RICTOR: variants seen among roughly 807,000 people sequenced by gnomAD.
The protein encoded by RICTOR is RPTOR independent companion of MTOR complex 2, also known as rapamycin-insensitive companion of mTOR.
A neutral mutation model predicts 214.9 loss-of-function variants in RICTOR; 49 were observed. That is an observed-to-expected ratio of 0.23 (90% CI 0.18 to 0.29). The LOEUF is 0.29. Among genes scored for constraint, RICTOR ranks in the 10% least tolerant of loss-of-function variants. The pLI, the probability that RICTOR is intolerant of heterozygous loss-of-function variation, is 1.00. For synonymous variants in RICTOR, 717 were observed against 711.3 expected, an observed-to-expected ratio of 1.01 and a Z score of -0.13; for missense variants, 1,625 against 2,047.0, an observed-to-expected ratio of 0.79 and a Z score of 3.98.
chr5:39,068,224 G>A (rs16868069), intron 2 of RICTOR, among the ~76,000 whole-genome samples: 3,485 of 152,226 alleles, frequency 0.023, 139 homozygotes, highest in African/African-American at 0.079. Flanking sequence ...ACCTACGCAA[G>A]GTCAAGCGAA....
chr5:38,966,348 G>T (rs553190067), intron 15 of RICTOR, among the ~76,000 whole-genome samples: 1 of 152,282 alleles, frequency 6.6e-6, no homozygotes, highest in East Asian at 1.9e-4. Flanking sequence ...TTTACAGGAC[G>T]AAAATGTCAA....
At chr5:38,973,920 A>G (rs10941415) in intron 10 of RICTOR, among the ~76,000 whole-genome samples, 57,598 of 152,070 alleles carry the variant, frequency 0.38, 10,983 homozygotes, top group Admixed American at 0.44. Flanking sequence ...ACTTATAAAC[A>G]GTACTACAGA....
Position 38,991,089 on chromosome 5 carries a change from A to C in RICTOR, c.457-14T>G. On this transcript the variant is annotated splice_polypyrimidine_tract_variant and intron_variant, in intron 6 of 37. Coordinates refer to ENST00000357387, the MANE Select transcript of RICTOR (RefSeq NM_152756.5). ...CACAGTAATCATCTGTAACAGAAGG[A>C]ATCAGAAAAAGAAGTTACTTTAGTA... 6.4e-7 allele frequency: 1 copy of C among 1,573,554 alleles called. No individual in the cohort carries two copies. The highest frequency in any genetic ancestry group is 2.3e-5 in the East Asian group (1 of 43,222).
At chr5:39,013,605 G>A (rs981420005) in intron 3 of RICTOR, among the ~76,000 whole-genome samples, 1 of 152,046 alleles carries the variant, frequency 6.6e-6, no homozygotes, top group African/African-American at 2.4e-5. Flanking sequence ...AGGTTAAATA[G>A]TTGTAAATAA....
chr5:39,009,589 T>G (rs1390982881), intron 3 of RICTOR, among the ~76,000 whole-genome samples: 3 of 152,090 alleles, frequency 2.0e-5, no homozygotes, highest in Admixed American at 1.3e-4. Context: ...TAAATGGAAT[T>G]CAATAATGGT....
In RICTOR at chr5:38,993,487, T is replaced by A. The variant is rs1008141195; in HGVS notation, c.457-2412A>T. On this transcript the variant is annotated intron_variant, in intron 6 of 37. Coordinates refer to ENST00000357387, the MANE Select transcript of RICTOR (RefSeq NM_152756.5). ...AGAGAGAAGGGGGAAATCAGAGACA[T>A]GGAAAAGAAAAAAGCAGACAGAACA... Among the ~76,000 whole-genome samples, 3 of 151,634 alleles carry A rather than the reference T, an allele frequency of 2.0e-5. No homozygotes were observed. In the South Asian group the frequency reaches 6.2e-4, roughly 31 times the overall value.
At position 38,952,327 on chromosome 5, in the gene RICTOR, T is replaced by C. The variant is rs1001333830; in HGVS notation, c.2996A>G (p.His999Arg). 3 of 1,613,032 alleles carry C rather than the reference T, an allele frequency of 1.9e-6. No homozygotes were observed. In the African/African-American group the frequency reaches 4.0e-5, roughly 22 times the overall value. ...NWDAVRHSRK[H>R]LWPVVPDDVE... ...ATCATCTGGAACCACTGGCCACAGATGTTTGCGACTATGCCTCACAGCATC... is the reference window on the plus strand; with the variant it reads ...ATCATCTGGAACCACTGGCCACAGACGTTTGCGACTATGCCTCACAGCATC... The change falls in exon 30 of 38, where the codon CAT becomes CGT. Residue 999 changes from histidine (H) to arginine (R), a missense_variant. Around this residue, in one of 5 missense-constraint regions of RICTOR, gnomAD observed 1,214 missense variants for 1,470.5 expected, o/e 0.83. Transcript: ENST00000357387.
chr5:38,975,461 C>A, intron 10 of RICTOR, 76 bp downstream of exon 10: 1 of 1,005,296 alleles, frequency 9.9e-7, no homozygotes, highest in Non-Finnish European at 1.6e-6. Context: ...TTAGGTGCTA[C>A]AATAATAATT....
chr5:39,064,283 AAC>A (rs1180740880), intron 2 of RICTOR, among the ~76,000 whole-genome samples: 1 of 152,240 alleles, frequency 6.6e-6, no homozygotes, highest in African/African-American at 2.4e-5. Flanking sequence ...AAAAAGCATT[AAC>A]AGTCAACTTC....
rs1177294603 is a variant in RICTOR at position 38,938,661 on chromosome 5, G to GA, written c.*3642dup. ...GGAATGAAAAATACCCTGGAACTTG[G>GA]AACTAAAAGAAGAAAAGAATGCTCC... On this transcript the variant is annotated 3_prime_UTR_variant, in exon 38 of 38. Coordinates refer to ENST00000357387, the MANE Select transcript of RICTOR (RefSeq NM_152756.5). The GA allele has an allele frequency of 4.3e-6, 1 of 232,490 alleles. No individual in the cohort carries two copies. Among genetic ancestry groups the GA allele is most frequent in the East Asian group, 6.1e-5 (1 of 16,420 alleles). The allele number at this position is 232,490 out of a possible 1,614,324, so 14.4% of individuals were successfully genotyped here.
At chr5:38,991,100 G>T in intron 6 of RICTOR, 25 bp from the exon 7 acceptor site, 2 of 1,554,768 alleles carry the variant, frequency 1.3e-6, no homozygotes, top group Non-Finnish European at 1.8e-6. Flanking sequence ...ATCAGAAAAA[G>T]AAGTTACTTT....
intron 3 of RICTOR, 79 bp downstream of exon 3, chr5:39,020,960 A>T: frequency 1.3e-6 from 1 of 780,022 alleles, no homozygotes; most frequent in Non-Finnish European, 2.3e-6. Flanking sequence ...ATTTGTATTT[A>T]ATGATGGTCA....
chr5:38,985,462 T>C (rs1188531994), intron 7 of RICTOR, among the ~76,000 whole-genome samples: 1 of 152,226 alleles, frequency 6.6e-6, no homozygotes, highest in African/African-American at 2.4e-5. Context: ...GGTTTGTATA[T>C]AAATAAATTA....
At position 38,938,615 on chromosome 5, in the gene RICTOR, G is replaced by A. The variant is rs1056970417; in HGVS notation, c.*3689C>T. 4.3e-6 allele frequency: 1 copy of A among 232,628 alleles called. No homozygotes were observed. Among genetic ancestry groups the A allele is most frequent in the Non-Finnish European group, 8.5e-6 (1 of 117,726 alleles). 14.4% of individuals were successfully genotyped at this position (232,628 alleles called of 1,614,324 possible). A position where few individuals can be genotyped will look rare whatever the true frequency, so the allele number is the denominator to read the frequency against. On this transcript the variant is annotated 3_prime_UTR_variant, in exon 38 of 38. Transcript: ENST00000357387. ...CAAACAGGAAAAAAGTCCACATTCT[G>A]TGAGTCATATAAACCTACTAGGAAT...
At position 38,940,830 on chromosome 5, in the gene RICTOR, C is replaced by G. The variant is rs1747486790; in HGVS notation, c.*1474G>C. Reference sequence around the variant, plus strand: ...AGTTCACAGGGTTCTTTACAGAGATCTCAAAGAACAAGCCCATTACAAAAA... The same window carrying G: ...AGTTCACAGGGTTCTTTACAGAGATGTCAAAGAACAAGCCCATTACAAAAA... On this transcript the variant is annotated 3_prime_UTR_variant, in exon 38 of 38. Transcript: ENST00000357387. The G allele has an allele frequency of 4.3e-6, 1 of 231,896 alleles. No homozygotes were observed. 14.4% of individuals were successfully genotyped at this position (231,896 alleles called of 1,614,324 possible). A position where few individuals can be genotyped will look rare whatever the true frequency, so the allele number is the denominator to read the frequency against.
Position 38,940,019 on chromosome 5 carries a change from CTT to C in RICTOR, c.*2283_*2284del, listed in dbSNP as rs35397307. 225 of 201,300 alleles carry C rather than the reference CTT, an allele frequency of 1.1e-3. No homozygotes were observed. The highest frequency in any genetic ancestry group is 1.5e-3 in the Non-Finnish European group (158 of 102,252). 12.5% of individuals were successfully genotyped at this position (201,300 alleles called of 1,614,324 possible). A position where few individuals can be genotyped will look rare whatever the true frequency, so the allele number is the denominator to read the frequency against. On this transcript the variant is annotated 3_prime_UTR_variant, in exon 38 of 38. Coordinates refer to ENST00000357387, the MANE Select transcript of RICTOR (RefSeq NM_152756.5). ...ATAGCACTATAAATTTAAGCGTAGA[CTT>C]TTTTTTTTTTTTAGTATACTGATAA... is the stretch of plus-strand genomic sequence containing the variant.
chr5:39,012,210 C>T (rs950837684), intron 3 of RICTOR, among the ~76,000 whole-genome samples: 1 of 152,088 alleles, frequency 6.6e-6, no homozygotes, highest in Non-Finnish European at 1.5e-5. Flanking sequence ...AAGGGACTTC[C>T]TTCCCCCTTA....
chr5:38,958,877 T>C, intron 22 of RICTOR, 46 bp from the exon 23 acceptor site: 1 of 1,271,846 alleles, frequency 7.9e-7, no homozygotes, highest in South Asian at 1.8e-5. Context: ...AACTTCAGCA[T>C]AAATAGCCTA....
chr5:39,070,423 T>G (rs1025188554), intron 2 of RICTOR, among the ~76,000 whole-genome samples: 1 of 152,010 alleles, frequency 6.6e-6, no homozygotes, highest in Non-Finnish European at 1.5e-5. Context: ...GAGCCGAGAT[T>G]GCGCCACTGC....
Sources: gnomAD v4.1 joint callset for allele counts (sites outside exome capture counted in the v4.1 genomes callset) on GRCh38, gnomAD v4.1.1 for gene constraint, gnomAD v4.1.1 regional missense constraint, MANE v1.5 for transcripts, NCBI Gene and HGNC (gene_info 2026-07-23, HGNC 2026-07-21) for gene names.